DAB1: variants seen among roughly 807,000 people sequenced by gnomAD.
DAB1 encodes the protein DAB adaptor protein 1.
Under a neutral mutation model 64.6 loss-of-function variants are expected in DAB1, and 15 were observed. That is an observed-to-expected ratio of 0.23 (90% CI 0.16 to 0.36). DAB1 has a LOEUF of 0.36. Ranked by LOEUF, DAB1 falls within the 10% of genes least tolerant of loss-of-function variation. The probability of loss-of-function intolerance (pLI) is 1.00; values close to 1 mark genes in which losing one functional copy is unlikely to be tolerated. For synonymous variants in DAB1, 235 were observed against 251.9 expected (o/e 0.93, Z 0.64); for missense variants, 596 against 706.7 (o/e 0.84, Z 1.78).
At chr1:57,439,132 C>A (rs1164629538) in intron 7 of DAB1, among the ~76,000 whole-genome samples, 1 of 152,120 alleles carries the variant, frequency 6.6e-6, no homozygotes. Context: ...TGAAAATGCC[C>A]TCTTTGCCAG....
At chr1:58,213,490 T>C (rs1359937690) in intron 4 of DAB1, among the ~76,000 whole-genome samples, 1 of 152,020 alleles carries the variant, frequency 6.6e-6, no homozygotes, top group Non-Finnish European at 1.5e-5. Flanking sequence ...TATGGTGGCA[T>C]CAAGAAGTGC....
intron 5 of DAB1, among the ~76,000 whole-genome samples, chr1:57,910,671 C>A (rs1401423969): frequency 2.0e-5 from 3 of 152,210 alleles, no homozygotes; most frequent in African/African-American, 4.8e-5. Flanking sequence ...AGGGTCAGCT[C>A]ATTTCCAAGC....
At chr1:57,267,425 A>C (rs1441347878) in intron 2 of DAB1, among the ~76,000 whole-genome samples, 1 of 152,206 alleles carries the variant, frequency 6.6e-6, no homozygotes, top group Non-Finnish European at 1.5e-5. Flanking sequence ...CTCTGTCATA[A>C]AGACAAGGAA....
At chr1:58,487,426 T>C (rs945115957) in intron 3 of DAB1, among the ~76,000 whole-genome samples, 2 of 152,254 alleles carry the variant, frequency 1.3e-5, no homozygotes, top group Non-Finnish European at 2.9e-5. Context: ...ATAAATTCTT[T>C]TAAAGTTATT....
chr1:57,310,850 G>A, intron 1 of DAB1, among the ~76,000 whole-genome samples: 1 of 152,194 alleles, frequency 6.6e-6, no homozygotes, highest in Middle Eastern at 3.4e-3. Context: ...TACAGATAGA[G>A]AGATGGGCAT....
At chr1:57,412,235 G>A (rs1684169383) in intron 1 of DAB1, among the ~76,000 whole-genome samples, 1 of 152,018 alleles carries the variant, frequency 6.6e-6, no homozygotes, top group Non-Finnish European at 1.5e-5. Flanking sequence ...CCTTCCTCTG[G>A]CCTCCCAATT....
intron 6 of DAB1, among the ~76,000 whole-genome samples, chr1:57,813,265 T>C (rs937882661): frequency 6.6e-6 from 1 of 152,234 alleles, no homozygotes; most frequent in Non-Finnish European, 1.5e-5. Flanking sequence ...GGCAAAATGA[T>C]AATCAATTCT....
chr1:58,534,062 T>C, intron 1 of DAB1: 1 of 870,170 alleles, frequency 1.1e-6, no homozygotes, highest in Non-Finnish European at 2.0e-6. Flanking sequence ...TTGTCCATTC[T>C]GCACCACAAA....
At chr1:58,366,306 G>T (rs754820621) in intron 3 of DAB1, among the ~76,000 whole-genome samples, 2 of 152,114 alleles carry the variant, frequency 1.3e-5, no homozygotes, top group African/African-American at 4.8e-5. Context: ...CATCATGCCA[G>T]GTCACAGGAC....
chr1:58,408,671 A>G (rs1644639960), intron 3 of DAB1, among the ~76,000 whole-genome samples: 1 of 152,208 alleles, frequency 6.6e-6, no homozygotes, highest in African/African-American at 2.4e-5. Flanking sequence ...AAATACTCAG[A>G]CTGGGATATT....
At chr1:57,060,989 G>A (rs1376377219) in intron 9 of DAB1, among the ~76,000 whole-genome samples, 4 of 152,040 alleles carry the variant, frequency 2.6e-5, no homozygotes, top group Non-Finnish European at 5.9e-5. Flanking sequence ...GGCACAAACT[G>A]AATTGTAGAG....
intron 4 of DAB1, among the ~76,000 whole-genome samples, chr1:58,250,779 G>A (rs976645774): frequency 6.6e-6 from 1 of 152,154 alleles, no homozygotes; most frequent in Non-Finnish European, 1.5e-5. Flanking sequence ...TGCTCCCCTG[G>A]GAAGTATGGA....
chr1:57,069,380 T>C lies in DAB1; in HGVS notation c.643A>G (p.Thr215Ala), dbSNP rs375720863. 10 of 1,613,456 alleles carry C rather than the reference T, an allele frequency of 6.2e-6. No individual in the cohort carries two copies. Among genetic ancestry groups the C allele is most frequent in the Non-Finnish European group, 8.5e-6 (10 of 1,179,576 alleles). ...TATACCTGATAAATGTTTTCTTCCG[T>C]TTCGGGATCACGGATTGGCTCGTGT... ...AGHEPIRDPE[T>A]EENIYQVPTS... The change falls in exon 8 of 15, where the codon ACG (threonine) becomes GCG (alanine). Residue 215 changes from threonine to alanine, a missense_variant. Physicochemically the swap from Thr to Ala is moderately conservative, Grantham distance 58. Around this residue, in one of 3 missense-constraint regions of DAB1, gnomAD observed 176 missense variants for 266.7 expected, o/e 0.66. Coordinates refer to ENST00000371236, the MANE Select transcript of DAB1 (RefSeq NM_001365792.1).
At chr1:58,462,994 T>G (rs1310327967) in intron 3 of DAB1, among the ~76,000 whole-genome samples, 4 of 152,346 alleles carry the variant, frequency 2.6e-5, no homozygotes, top group African/African-American at 9.6e-5. Context: ...ATAGGATGAT[T>G]GTAAGACTCA....
At chr1:57,472,499 C>T (rs143197964) in intron 7 of DAB1, among the ~76,000 whole-genome samples, 87 of 152,328 alleles carry the variant, frequency 5.7e-4, no homozygotes, top group African/African-American at 1.9e-3. Flanking sequence ...TAAAGATCAA[C>T]CCCTGATCTA....
At chr1:58,183,372 C>T (rs773407866) in intron 4 of DAB1, among the ~76,000 whole-genome samples, 146 of 151,206 alleles carry the variant, frequency 9.7e-4, no homozygotes, top group Non-Finnish European at 5.0e-4. Flanking sequence ...CCAGATTATG[C>T]ACACAGCTGC....
upstream of DAB1, among the ~76,000 whole-genome samples, chr1:57,428,179 A>G (rs1429691454): frequency 6.6e-6 from 1 of 151,946 alleles, no homozygotes; most frequent in African/African-American, 2.4e-5. Flanking sequence ...AGAAAAAAAA[A>G]AGATCTACTC....
At chr1:58,314,072 C>T (rs552757349) in intron 4 of DAB1, among the ~76,000 whole-genome samples, 1 of 152,140 alleles carries the variant, frequency 6.6e-6, no homozygotes, top group South Asian at 2.1e-4. Context: ...TTTTATGGTT[C>T]CTGATTATCT....
chr1:58,284,165 A>G (rs1166546800), intron 4 of DAB1, among the ~76,000 whole-genome samples: 1 of 152,154 alleles, frequency 6.6e-6, no homozygotes, highest in East Asian at 1.9e-4. Flanking sequence ...AGTTGGCTGG[A>G]TGTTTCCTTC....
Sources: allele counts gnomAD v4.1 joint callset (sites outside exome capture counted in the v4.1 genomes callset), GRCh38; gene constraint gnomAD v4.1.1; regional missense constraint gnomAD v4.1.1; transcripts MANE v1.5; gene names NCBI Gene and HGNC (gene_info 2026-07-23, HGNC 2026-07-21).